The following ADD1 variants were observed in gnomAD, a reference collection of about 807,000 sequenced individuals.
ADD1 encodes alpha-adducin.
A neutral mutation model predicts 80.5 loss-of-function variants in ADD1; 24 were observed. That is an observed-to-expected ratio of 0.30 (90% CI 0.22 to 0.42). The LOEUF is 0.42. Ranked by LOEUF, ADD1 falls within the 10% of genes least tolerant of loss-of-function variation. The pLI is 1.00. For missense variants in ADD1, 948 were observed against 1,019.0 expected (o/e 0.93, Z 0.95); for synonymous variants, 373 against 393.8 (o/e 0.95, Z 0.63).
At chr4:2,866,980 G>T (rs1729645728) in intron 1 of ADD1, among the ~76,000 whole-genome samples, 1 of 152,128 alleles carries the variant, frequency 6.6e-6, no homozygotes, top group Non-Finnish European at 1.5e-5. Flanking sequence ...GCTGAGATGG[G>T]AGGATCACTT....
intron 1 of ADD1, among the ~76,000 whole-genome samples, chr4:2,854,630 T>C (rs1317334956): frequency 6.6e-6 from 1 of 152,262 alleles, no homozygotes; most frequent in Non-Finnish European, 1.5e-5. Context: ...TATGGCCTTT[T>C]CCATTCCGAA....
chr4:2,876,712 G>A (rs1455952486), intron 2 of ADD1, among the ~76,000 whole-genome samples: 4 of 151,892 alleles, frequency 2.6e-5, no homozygotes, highest in African/African-American at 9.7e-5. Context: ...AGTGGCGGGC[G>A]CCTGTAGTCC....
intron 1 of ADD1, among the ~76,000 whole-genome samples, chr4:2,851,052 C>G (rs1305440032): frequency 2.0e-5 from 3 of 152,146 alleles, no homozygotes; most frequent in Non-Finnish European, 4.4e-5. Context: ...CACTAAAACT[C>G]TGTATACTTC....
chr4:2,892,653 G>T (rs550916210), intron 4 of ADD1, among the ~76,000 whole-genome samples: 8 of 152,036 alleles, frequency 5.3e-5, no homozygotes, highest in African/African-American at 1.9e-4. Context: ...AACTTAGTGA[G>T]ACCCCATCTC....
At chr4:2,918,788 T>C (rs1156913817) in intron 14 of ADD1, among the ~76,000 whole-genome samples, 2 of 152,194 alleles carry the variant, frequency 1.3e-5, no homozygotes, top group Non-Finnish European at 2.9e-5. Context: ...GTTTTTGTCA[T>C]TGGTTCTATT....
At chr4:2,914,632 C>T (rs1161301896) in intron 13 of ADD1, 1 of 390,528 alleles carries the variant, frequency 2.6e-6, no homozygotes, top group Non-Finnish European at 4.5e-6. Flanking sequence ...GCTTTTGCTT[C>T]TGAAACCTGG....
chr4:2,872,380 T>C (rs966383328), intron 1 of ADD1, among the ~76,000 whole-genome samples: 8 of 152,220 alleles, frequency 5.3e-5, no homozygotes, highest in Non-Finnish European at 5.9e-5. Flanking sequence ...ATCAACTTAC[T>C]CAAATTTATT....
At chr4:2,871,401 A>G (rs1345315454) in intron 1 of ADD1, among the ~76,000 whole-genome samples, 1 of 152,206 alleles carries the variant, frequency 6.6e-6, no homozygotes, top group Non-Finnish European at 1.5e-5. Flanking sequence ...GTCATTTGAG[A>G]TAGTTGGTGT....
intron 1 of ADD1, among the ~76,000 whole-genome samples, chr4:2,849,712 C>T (rs920921547): frequency 2.6e-5 from 4 of 152,178 alleles, no homozygotes; most frequent in African/African-American, 9.7e-5. Flanking sequence ...GAGTTCCTTA[C>T]CTAAAAAATG....
intron 3 of ADD1, among the ~76,000 whole-genome samples, chr4:2,882,357 T>C (rs1259320766): frequency 6.6e-6 from 1 of 152,224 alleles, no homozygotes; most frequent in Non-Finnish European, 1.5e-5. Context: ...AATAATGCTG[T>C]GGAGTAGCAC....
At chr4:2,915,078 G>C in intron 14 of ADD1, 38 bp downstream of exon 14, 1 of 1,573,302 alleles carries the variant, frequency 6.4e-7, no homozygotes, top group Non-Finnish European at 8.6e-7. Context: ...CACTCCAGAA[G>C]GTGAAAGTGC....
intron 13 of ADD1, among the ~76,000 whole-genome samples, chr4:2,910,641 T>C (rs886242240): frequency 1.3e-5 from 2 of 152,204 alleles, no homozygotes; most frequent in Admixed American, 6.5e-5. Flanking sequence ...GAGGACCTTG[T>C]TAGGGCTCTC....
chr4:2,861,987 ATTC>A (rs1434389584), intron 1 of ADD1, among the ~76,000 whole-genome samples: 2 of 152,100 alleles, frequency 1.3e-5, no homozygotes, highest in Non-Finnish European at 2.9e-5. Flanking sequence ...GCCCGAGACA[ATTC>A]TTCTTCCAGT....
At chr4:2,876,731 C>A (rs1215675026) in intron 2 of ADD1, among the ~76,000 whole-genome samples, 1 of 151,724 alleles carries the variant, frequency 6.6e-6, no homozygotes, top group African/African-American at 2.4e-5. Flanking sequence ...CCCAGCAACT[C>A]GGGAGGCTGA....
rs555416717 is a variant in ADD1, at chr4:2,891,980, A to C, written c.511-2033A>C. 5.9e-5 allele frequency among the ~76,000 whole-genome samples: 9 copies of C among 152,340 alleles called. No homozygotes were observed. In the East Asian group the frequency reaches 1.7e-3, roughly 29 times the overall value. On this transcript the variant is annotated intron_variant, in intron 4 of 15. Transcript: ENST00000683351. Reference sequence around the variant, plus strand: ...AAACAGATTTCTTCTCAGTGCTAGAAAGAACGTTTTAATCCTTAAGTCTCT... The same window carrying C: ...AAACAGATTTCTTCTCAGTGCTAGACAGAACGTTTTAATCCTTAAGTCTCT...
At position 2,926,474 on chromosome 4, in the gene ADD1, G is replaced by C. The variant is rs566351882; in HGVS notation, c.2047+362G>C. On this transcript the variant is annotated intron_variant, in intron 15 of 15. Coordinates refer to ENST00000683351, the MANE Select transcript of ADD1 (RefSeq NM_001354761.2). This position sits in a 1 kb window ranked among gnomAD's most constrained non-coding sequence, Gnocchi z 5.0. ...ACACGCCGGCTGCCTCTCAGCCACCGTGTGTCTGTGGTGTGTGATCCCGGG... is the reference window on the plus strand; with the variant it reads ...ACACGCCGGCTGCCTCTCAGCCACCCTGTGTCTGTGGTGTGTGATCCCGGG... The C allele has an allele frequency of 1.3e-5, 10 of 749,862 alleles. No individual in the cohort carries two copies. The South Asian group carries it at 1.4e-4, about 11-fold the overall frequency. The allele number at this position is 749,862 out of a possible 1,614,324, so 46.5% of individuals were successfully genotyped here. A position where few individuals can be genotyped will look rare whatever the true frequency, so the allele number is the denominator to read the frequency against.
intron 1 of ADD1, among the ~76,000 whole-genome samples, chr4:2,847,647 C>G (rs1186119839): frequency 6.6e-6 from 1 of 151,948 alleles, no homozygotes; most frequent in Non-Finnish European, 1.5e-5. Context: ...TGTGACACAG[C>G]CTCCAGAAGT....
intron 4 of ADD1, among the ~76,000 whole-genome samples, chr4:2,888,462 G>A (rs986733650): frequency 6.6e-6 from 1 of 151,208 alleles, no homozygotes; most frequent in African/African-American, 2.4e-5. Flanking sequence ...TGTGGCCCAG[G>A]CTGGAGTGCA....
At chr4:2,891,924 T>C (rs1734363675) in intron 4 of ADD1, among the ~76,000 whole-genome samples, 1 of 152,204 alleles carries the variant, frequency 6.6e-6, no homozygotes, top group African/African-American at 2.4e-5. Flanking sequence ...TTCTGTGTTA[T>C]ATACTAGAGG....
Sources: gnomAD v4.1 joint callset for allele counts (sites outside exome capture counted in the v4.1 genomes callset) on GRCh38, gnomAD v4.1.1 for gene constraint, Gnocchi (gnomAD v3.1) non-coding constraint, MANE v1.5 for transcripts, NCBI Gene and HGNC (gene_info 2026-07-23, HGNC 2026-07-21) for gene names.